The following ISM1 variants were observed in gnomAD, a reference collection of about 807,000 sequenced individuals.
ISM1 encodes isthmin 1.
In ISM1, 25 loss-of-function variants were observed where a neutral mutation model predicts 46.3. The observed-to-expected ratio is 0.54, with a 90% CI of 0.39 to 0.75. The LOEUF is 0.75. Ranked by LOEUF, ISM1 falls within the 30% of genes least tolerant of loss-of-function variation. The pLI is 0.00. For synonymous variants in ISM1, 255 were observed against 256.7 expected (o/e 0.99, Z 0.06); for missense variants, 536 against 625.4 (o/e 0.86, Z 1.52).
the ISM1 span, among the ~76,000 whole-genome samples, chr20:13,305,931 T>A: frequency 6.6e-6 from 1 of 152,296 alleles, no homozygotes; most frequent in East Asian, 1.9e-4. Context: ...CCTCAACCAT[T>A]TTAGTGGCAG....
At chr20:13,224,758 G>A (rs1319518283) in intron 1 of ISM1, among the ~76,000 whole-genome samples, 1 of 151,426 alleles carries the variant, frequency 6.6e-6, no homozygotes, top group Non-Finnish European at 1.5e-5. Flanking sequence ...AGTAAGAAAA[G>A]CAACAATAAT....
the ISM1 span, among the ~76,000 whole-genome samples, chr20:13,321,158 T>C: frequency 3.4e-5 from 5 of 147,220 alleles, no homozygotes; most frequent in Non-Finnish European, 7.4e-5. Flanking sequence ...GCTGAGATCA[T>C]GCCACTACAC....
chr20:13,266,921 G>T (rs6074581), intron 1 of ISM1, among the ~76,000 whole-genome samples: 45,789 of 152,002 alleles, frequency 0.3, 7,910 homozygotes, highest in East Asian at 0.48. Flanking sequence ...CTCCAAGGGG[G>T]GCTCTGCAAG....
intron 1 of ISM1, among the ~76,000 whole-genome samples, chr20:13,266,129 C>G (rs2040040528): frequency 6.6e-6 from 1 of 152,172 alleles, no homozygotes; most frequent in South Asian, 2.1e-4. Flanking sequence ...CATATGGTCG[C>G]ACTCAGATGA....
At chr20:13,250,391 C>T (rs1468999207) in intron 1 of ISM1, among the ~76,000 whole-genome samples, 4 of 152,002 alleles carry the variant, frequency 2.6e-5, no homozygotes, top group East Asian at 1.9e-4. Context: ...GTACTGAAGA[C>T]GTGAGAATGA....
At chr20:13,245,538 G>T (rs921770227) in intron 1 of ISM1, among the ~76,000 whole-genome samples, 1 of 152,068 alleles carries the variant, frequency 6.6e-6, no homozygotes, top group African/African-American at 2.4e-5. Flanking sequence ...AGGAGATGGG[G>T]TCATTGAGGG....
At chr20:13,288,472 C>T in intron 3 of ISM1, 68 bp from the exon 4 acceptor site, 1 of 1,517,298 alleles carries the variant, frequency 6.6e-7, no homozygotes, top group Non-Finnish European at 9.0e-7. Context: ...AATTGACAGG[C>T]TGCTTGATGG....
At chr20:13,235,934 C>T (rs2327768) in intron 1 of ISM1, among the ~76,000 whole-genome samples, 38,944 of 149,112 alleles carry the variant, frequency 0.26, 5,318 homozygotes, top group African/African-American at 0.35. Flanking sequence ...TCCCTTTTTT[C>T]TTTTTTTTGA....
At chr20:13,288,111 C>T (rs187095329) in intron 3 of ISM1, among the ~76,000 whole-genome samples, 51 of 152,280 alleles carry the variant, frequency 3.3e-4, no homozygotes, top group Admixed American at 7.2e-4. Flanking sequence ...TCAGAAGCTG[C>T]CAGGCCTTAA....
intron 1 of ISM1, among the ~76,000 whole-genome samples, chr20:13,235,578 T>C (rs949182409): frequency 1.3e-5 from 2 of 152,316 alleles, no homozygotes; most frequent in East Asian, 1.9e-4. Context: ...ACTGAGAAGT[T>C]AGAGCTGGAG....
chr20:13,241,631 T>C lies in ISM1; in HGVS notation c.138+19717T>C, dbSNP rs569991499. 8.9e-4 allele frequency among the ~76,000 whole-genome samples: 136 copies of C among 152,106 alleles called. 1 individual carries two copies. The highest frequency in any genetic ancestry group is 3.2e-3 in the African/African-American group (132 of 41,484). ...CATGACTCCTGTTCCATCAGTGAAA[T>C]ATGAAGTGAGGGCAGGAGCACAAGT... On this transcript the variant is annotated intron_variant, in intron 1 of 5. Coordinates refer to ENST00000262487, the MANE Select transcript of ISM1 (RefSeq NM_080826.2).
chr20:13,231,549 T>C (rs1029298164), intron 1 of ISM1, among the ~76,000 whole-genome samples: 6 of 152,210 alleles, frequency 3.9e-5, no homozygotes, highest in African/African-American at 1.2e-4. Flanking sequence ...AGGCATCAAC[T>C]CCCTGAGCAC....
Position 13,259,693 on chromosome 20 carries a change from CA to C in ISM1, c.139-10806del, listed in dbSNP as rs2039967525. On this transcript the variant is annotated intron_variant, in intron 1 of 5. Transcript: ENST00000262487. ...GCACTGAGTTATTGTTTCTACTAGA[CA>C]AAAACATTTCTATATCTACAGAATG... 2.0e-5 allele frequency among the ~76,000 whole-genome samples: 3 copies of C among 152,264 alleles called. 1 individual carries two copies. In the South Asian group the frequency reaches 6.2e-4, roughly 32 times the overall value.
At chr20:13,228,855 T>C (rs2039557789) in intron 1 of ISM1, among the ~76,000 whole-genome samples, 1 of 152,248 alleles carries the variant, frequency 6.6e-6, no homozygotes, top group African/African-American at 2.4e-5. Flanking sequence ...TGTTGTTTAA[T>C]TGTGTCTTAT....
intron 1 of ISM1, among the ~76,000 whole-genome samples, chr20:13,260,043 T>C (rs1274928830): frequency 3.3e-5 from 5 of 152,162 alleles, no homozygotes; most frequent in Admixed American, 2.6e-4. Context: ...CTAAGCTAAG[T>C]CAAGAGCCCA....
At chr20:13,272,510 T>G (rs1464666586) in intron 2 of ISM1, among the ~76,000 whole-genome samples, 1 of 152,242 alleles carries the variant, frequency 6.6e-6, no homozygotes, top group African/African-American at 2.4e-5. Flanking sequence ...AAAAGCACTG[T>G]GTCCCAAGGG....
intron 5 of ISM1, among the ~76,000 whole-genome samples, chr20:13,292,700 A>G (rs879238321): frequency 2.0e-5 from 3 of 152,132 alleles, no homozygotes; most frequent in Admixed American, 2.0e-4. Context: ...CAGCCTTCAC[A>G]GCCAGAGGCA....
downstream of ISM1, among the ~76,000 whole-genome samples, chr20:13,303,660 G>A (rs2040477077): frequency 6.6e-6 from 1 of 152,208 alleles, no homozygotes; most frequent in Admixed American, 6.5e-5. Context: ...TCTCTCACTT[G>A]CCTGCTGGGA....
At chr20:13,280,726 T>A (rs6041985) in intron 3 of ISM1, among the ~76,000 whole-genome samples, 1 of 152,010 alleles carries the variant, frequency 6.6e-6, no homozygotes, top group Non-Finnish European at 1.5e-5. Context: ...TCAGATCTAC[T>A]GAAATTCTGT....
Sources: allele counts gnomAD v4.1 joint callset (sites outside exome capture counted in the v4.1 genomes callset), GRCh38; gene constraint gnomAD v4.1.1; transcripts MANE v1.5; gene names NCBI Gene and HGNC (gene_info 2026-07-23, HGNC 2026-07-21).